The following PDK1 variants were observed in gnomAD, a reference collection of about 807,000 sequenced individuals.
PDK1 encodes the protein pyruvate dehydrogenase kinase 1.
In PDK1, 39 loss-of-function variants were observed where a neutral mutation model predicts 54.2. That is an observed-to-expected ratio of 0.72 (90% CI 0.56 to 0.94). The LOEUF is 0.94. PDK1 is among the 40% of genes least tolerant of loss of function. The pLI, the probability that PDK1 is intolerant of heterozygous loss-of-function variation, is 0.00. For synonymous variants in PDK1, 221 were observed against 207.1 expected, an observed-to-expected ratio of 1.07 and a Z score of -0.58; for missense variants, 552 against 566.0, an observed-to-expected ratio of 0.98 and a Z score of 0.25.
Position 172,556,347 on chromosome 2 carries a change from G to T in PDK1, c.196+1G>T. 1 of 1,446,258 alleles carries T rather than the reference G, an allele frequency of 6.9e-7. No individual in the cohort carries two copies. The highest frequency in any genetic ancestry group is 9.1e-7 in the Non-Finnish European group (1 of 1,101,148). 89.6% of individuals were successfully genotyped at this position (1,446,258 alleles called of 1,614,324 possible). On this transcript the variant is annotated splice_donor_variant, in intron 1 of 10. Transcript: ENST00000282077. LOFTEE classifies it high-confidence loss of function. ...TCCATGAAGCAGTTCCTGGACTTCG[G>T]TGAGTGCGGCCCGGGACCTTGGGCC... is the stretch of plus-strand genomic sequence containing the variant.
In PDK1 at chr2:172,566,876, C is replaced by T. The variant is rs766680236; in HGVS notation, c.712C>T (p.Arg238Cys). ...VIKDGYENAR[R>C]LCDLYYINSP... ...ACTAGATGGCTATGAAAATGCTAGG[C>T]GTCTGTGTGATTTGTATTATATTAA... Residue 238 changes from arginine (R) to cysteine (C), a missense_variant, in exon 6 of 11, where the codon CGT becomes TGT. By Grantham distance (180) the Arg-to-Cys change is radical. Coordinates refer to ENST00000282077, the MANE Select transcript of PDK1 (RefSeq NM_002610.5). The T allele has an allele frequency of 1.6e-5, 26 of 1,609,370 alleles. No homozygotes were observed. The highest frequency in any genetic ancestry group is 1.1e-4 in the East Asian group (5 of 44,768).
chr2:172,665,471 G>C, the PDK1 span, among the ~76,000 whole-genome samples: 1 of 152,074 alleles, frequency 6.6e-6, no homozygotes, highest in Non-Finnish European at 1.5e-5. Flanking sequence ...TTGAAGTTTG[G>C]ACATTCTGTC....
chr2:172,702,860 A>G, the PDK1 span, among the ~76,000 whole-genome samples: 2 of 152,264 alleles, frequency 1.3e-5, no homozygotes, highest in East Asian at 1.9e-4. Context: ...TCTCTTGGCA[A>G]TACCTTTTCT....
At chr2:172,578,215 A>G (rs187866654) in intron 8 of PDK1, among the ~76,000 whole-genome samples, 31 of 152,324 alleles carry the variant, frequency 2.0e-4, no homozygotes, top group Admixed American at 9.8e-4. Flanking sequence ...AATATTGCAC[A>G]TATGTGATGA....
In PDK1 at chr2:172,570,773, C is replaced by T. The variant is rs752638116; in HGVS notation, c.894C>T (p.Tyr298=). The change falls in exon 8 of 11, where the codon TAC becomes TAT. Residue 298 remains tyrosine, a synonymous_variant. Transcript: ENST00000282077. ...TMEHHANRGV[Y]PPIQVHVTLG... ...AACACCATGCCAACAGAGGTGTTTA[C>T]CCCCCTATTCAAGTTCATGTCACGC... The T allele has an allele frequency of 1.2e-5, 19 of 1,611,128 alleles. No individual in the cohort carries two copies. The highest frequency in any genetic ancestry group is 2.7e-5 in the African/African-American group (2 of 74,836).
chr2:172,621,769 A>G, the PDK1 span, among the ~76,000 whole-genome samples: 1 of 143,910 alleles, frequency 6.9e-6, no homozygotes, highest in Non-Finnish European at 1.5e-5. Context: ...CATATATGTC[A>G]TATATGTTTA....
the PDK1 span, among the ~76,000 whole-genome samples, chr2:172,713,339 C>G: frequency 6.6e-6 from 1 of 152,162 alleles, no homozygotes; most frequent in East Asian, 1.9e-4. Flanking sequence ...GCAGCCTGGT[C>G]CCCAGGCTTC....
At chr2:172,707,915 A>G in the PDK1 span, among the ~76,000 whole-genome samples, 1 of 152,240 alleles carries the variant, frequency 6.6e-6, no homozygotes, top group African/African-American at 2.4e-5. Flanking sequence ...ACATTATACT[A>G]ACTATGACAA....
the PDK1 span, among the ~76,000 whole-genome samples, chr2:172,693,290 C>T: frequency 6.6e-6 from 1 of 152,254 alleles, no homozygotes; most frequent in African/African-American, 2.4e-5. Context: ...TCATGAGTCA[C>T]TGCAGCAGCT....
At chr2:172,622,096 ATC>A in the PDK1 span, among the ~76,000 whole-genome samples, 94 of 138,270 alleles carry the variant, frequency 6.8e-4, 1 homozygote, top group Middle Eastern at 6.5e-3. Context: ...ATATGTTTAT[ATC>A]TCATATATTA....
chr2:172,641,020 TTTC>T, the PDK1 span, among the ~76,000 whole-genome samples: 127,315 of 144,866 alleles, frequency 0.88, 57,157 homozygotes, highest in East Asian at 0.98. Flanking sequence ...CTTTCTTTCT[TTTC>T]TTTTTCTTTC....
intron 5 of PDK1, among the ~76,000 whole-genome samples, chr2:172,566,509 A>G (rs566702046): frequency 3.3e-5 from 5 of 152,184 alleles, no homozygotes; most frequent in African/African-American, 9.6e-5. Context: ...GTGAGCCGAG[A>G]TAGCGCCACT....
At chr2:172,689,857 G>T in the PDK1 span, among the ~76,000 whole-genome samples, 1 of 150,408 alleles carries the variant, frequency 6.6e-6, no homozygotes, top group African/African-American at 2.4e-5. Flanking sequence ...ATTCAAGATG[G>T]ATTAAAGACT....
At chr2:172,589,737 A>G (rs1182447870) in intron 9 of PDK1, among the ~76,000 whole-genome samples, 2 of 152,234 alleles carry the variant, frequency 1.3e-5, no homozygotes, top group East Asian at 1.9e-4. Context: ...TCTTGAGTCC[A>G]TACAAGCTCA....
chr2:172,633,097 C>T, the PDK1 span, among the ~76,000 whole-genome samples: 1 of 151,550 alleles, frequency 6.6e-6, no homozygotes, highest in Non-Finnish European at 1.5e-5. Flanking sequence ...GGCTGGAATG[C>T]AGTGGAGCAA....
the PDK1 span, among the ~76,000 whole-genome samples, chr2:172,658,686 G>T: frequency 2.0e-5 from 3 of 152,046 alleles, 1 homozygote; most frequent in African/African-American, 7.2e-5. Flanking sequence ...TGCATTCCTG[G>T]GGGGAGGTCT....
chr2:172,662,521 A>T, the PDK1 span, among the ~76,000 whole-genome samples: 1 of 16,658 alleles, frequency 6.0e-5, no homozygotes, highest in African/African-American at 1.4e-4. Flanking sequence ...TGTGTGTGTA[A>T]AAGAGCATTT....
chr2:172,634,428 A>T, the PDK1 span, among the ~76,000 whole-genome samples: 2 of 151,792 alleles, frequency 1.3e-5, no homozygotes, highest in African/African-American at 4.8e-5. Context: ...GCGCACCATC[A>T]TGCCTAGCTA....
chr2:172,623,797 C>T, the PDK1 span, among the ~76,000 whole-genome samples: 1 of 152,148 alleles, frequency 6.6e-6, no homozygotes, highest in Non-Finnish European at 1.5e-5. Context: ...TCTAGACTTA[C>T]ACAATGGAAA....
Sources: gnomAD v4.1 joint callset for allele counts (sites outside exome capture counted in the v4.1 genomes callset) on GRCh38, gnomAD v4.1.1 for gene constraint, MANE v1.5 for transcripts, NCBI Gene and HGNC (gene_info 2026-07-23, HGNC 2026-07-21) for gene names.